The following BMPR1A variants were observed in gnomAD, a reference collection of about 807,000 sequenced individuals.
The protein encoded by BMPR1A is bone morphogenetic protein receptor type 1A.
BMPR1A carries 7 observed loss-of-function variants against 66.0 expected under a neutral mutation model. The ratio of observed to expected loss-of-function variants is 0.11; its 90% confidence interval spans 0.06 to 0.20. BMPR1A has a LOEUF of 0.20. BMPR1A is among the 10% of genes least tolerant of loss of function. BMPR1A has a pLI of 1.00. For synonymous variants in BMPR1A, 200 were observed against 229.7 expected (o/e 0.87, Z 1.17); for missense variants, 408 against 669.1 (o/e 0.61, Z 4.31).
intron 1 of BMPR1A, among the ~76,000 whole-genome samples, chr10:86,831,185 A>C (rs574884368): frequency 6.6e-6 from 1 of 152,212 alleles, no homozygotes; most frequent in African/African-American, 2.4e-5. Context: ...GTACAGCTGC[A>C]TGTGTACCCT....
chr10:86,820,591 AC>A (rs1842108464), intron 1 of BMPR1A, among the ~76,000 whole-genome samples: 4 of 152,136 alleles, frequency 2.6e-5, no homozygotes, highest in Admixed American at 2.6e-4. Context: ...CGATTGTAAC[AC>A]TGATCAAATC....
intron 1 of BMPR1A, among the ~76,000 whole-genome samples, chr10:86,784,294 A>C (rs1161200232): frequency 1.3e-5 from 2 of 151,722 alleles, no homozygotes; most frequent in Non-Finnish European, 2.9e-5. Context: ...TAGTTTGTTG[A>C]GTGTTTTTAT....
At chr10:86,824,918 T>C (rs1205248246) in intron 1 of BMPR1A, among the ~76,000 whole-genome samples, 5 of 152,156 alleles carry the variant, frequency 3.3e-5, no homozygotes, top group Non-Finnish European at 1.5e-5. Context: ...TACTACCTGC[T>C]TAGCAATCCT....
intron 9 of BMPR1A, among the ~76,000 whole-genome samples, chr10:86,917,899 T>G (rs965348500): frequency 6.6e-6 from 1 of 152,238 alleles, no homozygotes; most frequent in Non-Finnish European, 1.5e-5. Flanking sequence ...CTAGGGCTGC[T>G]GTATCAATTA....
At chr10:86,866,822 A>T (rs1427070240) in intron 2 of BMPR1A, among the ~76,000 whole-genome samples, 3 of 151,884 alleles carry the variant, frequency 2.0e-5, no homozygotes, top group Admixed American at 2.0e-4. Flanking sequence ...GGATTAGAAA[A>T]CCTGGGTGTT....
intron 1 of BMPR1A, among the ~76,000 whole-genome samples, chr10:86,824,680 TGTTA>T (rs760356611): frequency 5.3e-5 from 8 of 152,228 alleles, no homozygotes; most frequent in Admixed American, 1.3e-4. Context: ...TCTAGAATTT[TGTTA>T]GTTTATTGAT....
chr10:86,875,923 C>A lies in BMPR1A; in HGVS notation c.-96C>A, dbSNP rs1238476936. ...ATTGTCAAGTGCTTGCGATCTTTTA[C>A]AAGAAAATCTCACTGAATGATAGTC... On this transcript the variant is annotated 5_prime_UTR_variant, in exon 3 of 13. Coordinates refer to ENST00000372037, the MANE Select transcript of BMPR1A (RefSeq NM_004329.3). The A allele has an allele frequency of 8.3e-6, 9 of 1,085,384 alleles. No homozygotes were observed. Among genetic ancestry groups the A allele is most frequent in the African/African-American group, 1.6e-5 (1 of 62,734 alleles). 67.2% of individuals were successfully genotyped at this position (1,085,384 alleles called of 1,614,324 possible). A position where few individuals can be genotyped will look rare whatever the true frequency, so the allele number is the denominator to read the frequency against.
intron 1 of BMPR1A, among the ~76,000 whole-genome samples, chr10:86,760,228 C>T (rs947357539): frequency 0.016 from 581 of 35,974 alleles, no homozygotes; most frequent in Middle Eastern, 0.033. Context: ...ATTGTTTTTT[C>T]TTTCTTTCTT....
At chr10:86,913,281 C>T (rs907216271) in intron 8 of BMPR1A, among the ~76,000 whole-genome samples, 2 of 144,748 alleles carry the variant, frequency 1.4e-5, no homozygotes, top group African/African-American at 2.6e-5. Flanking sequence ...CACCACCACA[C>T]CAGGCTAATT....
intron 2 of BMPR1A, among the ~76,000 whole-genome samples, chr10:86,873,100 G>T (rs1413496632): frequency 6.6e-6 from 1 of 152,132 alleles, no homozygotes; most frequent in Non-Finnish European, 1.5e-5. Flanking sequence ...TCTGCAGGGT[G>T]CCTTGGTTGT....
intron 5 of BMPR1A, among the ~76,000 whole-genome samples, chr10:86,895,799 G>A (rs989365917): frequency 3.9e-5 from 6 of 152,054 alleles, no homozygotes; most frequent in Non-Finnish European, 7.4e-5. Flanking sequence ...AGGCCGAGGC[G>A]GGCAGATCGC....
intron 1 of BMPR1A, among the ~76,000 whole-genome samples, chr10:86,781,857 CTTTTTTTTTTTT>C (rs1162095658): frequency 1.2e-4 from 10 of 84,226 alleles, no homozygotes; most frequent in Non-Finnish European, 2.2e-5. Flanking sequence ...GACAGGATTT[CTTTTTTTTTTTT>C]TTTTTTTTTT....
At chr10:86,800,374 C>G (rs900398168) in intron 1 of BMPR1A, among the ~76,000 whole-genome samples, 1 of 152,068 alleles carries the variant, frequency 6.6e-6, no homozygotes, top group Non-Finnish European at 1.5e-5. Context: ...AGAGGGAAAC[C>G]TAAAATAAGG....
intron 1 of BMPR1A, among the ~76,000 whole-genome samples, chr10:86,767,177 T>C (rs1841179014): frequency 2.0e-5 from 3 of 152,178 alleles, no homozygotes; most frequent in East Asian, 1.9e-4. Context: ...ATTCATGATA[T>C]AAGGTTTCTT....
intron 1 of BMPR1A, among the ~76,000 whole-genome samples, chr10:86,786,411 C>T (rs11202176): frequency 0.28 from 42,976 of 152,038 alleles, 7,528 homozygotes; most frequent in East Asian, 0.72. Context: ...CTGTTTCTTG[C>T]ACTGCTCTTG....
At position 86,917,158 on chromosome 10, in the gene BMPR1A, A is replaced by G. The variant is rs2133574845; in HGVS notation, c.700A>G (p.Ile234Val). 6.2e-7 allele frequency: 1 copy of G among 1,614,084 alleles called. No homozygotes were observed. ...GGTTCAGCGAACTATTGCCAAACAG[A>G]TTCAGATGGTCCGGCAAGTTGGTAA... ...LLVQRTIAKQ[I>V]QMVRQVGKGR... is the part of the protein sequence containing the mutation. Residue 234 changes from isoleucine to valine, a missense_variant, in exon 9 of 13, where the codon ATT (isoleucine) becomes GTT (valine). This residue lies in a region of BMPR1A where 174 missense variants were observed against 265.1 expected (regional missense o/e 0.66). Coordinates refer to ENST00000372037, the MANE Select transcript of BMPR1A (RefSeq NM_004329.3).
intron 1 of BMPR1A, among the ~76,000 whole-genome samples, chr10:86,801,795 C>T (rs909237012): frequency 6.6e-6 from 1 of 152,118 alleles, no homozygotes; most frequent in African/African-American, 2.4e-5. Flanking sequence ...TCACTGCAAG[C>T]TCTGCCTCCC....
intron 1 of BMPR1A, among the ~76,000 whole-genome samples, chr10:86,812,134 A>G (rs1841980399): frequency 6.6e-6 from 1 of 152,134 alleles, no homozygotes; most frequent in African/African-American, 2.4e-5. Context: ...ATCTATAGAT[A>G]TAACAAACTA....
At chr10:86,822,997 GA>G (rs1842142998) in intron 1 of BMPR1A, among the ~76,000 whole-genome samples, 1 of 152,122 alleles carries the variant, frequency 6.6e-6, no homozygotes. Flanking sequence ...TTATTTTAAG[GA>G]TTAAGCAAGA....
Sources: gnomAD v4.1 joint callset for allele counts (sites outside exome capture counted in the v4.1 genomes callset) on GRCh38, gnomAD v4.1.1 for gene constraint, gnomAD v4.1.1 regional missense constraint, MANE v1.5 for transcripts, NCBI Gene and HGNC (gene_info 2026-07-23, HGNC 2026-07-21) for gene names.